The following COQ8A variants were observed in gnomAD, a reference collection of about 807,000 sequenced individuals.
The protein encoded by COQ8A is atypical kinase COQ8A, mitochondrial.
Under a neutral mutation model 65.0 loss-of-function variants are expected in COQ8A, and 51 were observed. The ratio of observed to expected loss-of-function variants is 0.78; its 90% CI spans 0.63 to 0.99. The LOEUF is 0.99. Ranked by LOEUF, COQ8A falls within the 50% of genes least tolerant of loss-of-function variation. COQ8A has a pLI of 0.00. For missense variants in COQ8A, 940 were observed against 875.0 expected (o/e 1.07, Z -0.94); for synonymous variants, 371 against 353.2 (o/e 1.05, Z -0.57).
intron 4 of COQ8A, among the ~76,000 whole-genome samples, chr1:226,966,830 C>G (rs1382279508): frequency 6.6e-6 from 1 of 152,144 alleles, no homozygotes; most frequent in Non-Finnish European, 1.5e-5. Context: ...GTACTGTGCT[C>G]CCCGAGAGCC....
chr1:226,987,216 G>T lies in COQ8A; in HGVS notation c.*479G>T. ...CTCTCCAGCCGATGGGCTGGAGCTG[G>T]GAGAGGTGCTGAGCTAACAGTGCCA... On this transcript the variant is annotated 3_prime_UTR_variant, in exon 15 of 15. Transcript: ENST00000366777. 5.3e-6 allele frequency: 1 copy of T among 189,364 alleles called. No homozygotes were observed. The highest frequency in any genetic ancestry group is 1.4e-4 in the East Asian group (1 of 7,018). The allele number at this position is 189,364 out of a possible 1,614,324, so 11.7% of individuals were successfully genotyped here.
chr1:226,971,104 C>T (rs1231746901), intron 4 of COQ8A, among the ~76,000 whole-genome samples: 3 of 151,928 alleles, frequency 2.0e-5, no homozygotes, highest in Non-Finnish European at 1.5e-5. Flanking sequence ...CCACACCCAG[C>T]TAATTTTTGT....
intron 2 of COQ8A, among the ~76,000 whole-genome samples, chr1:226,961,981 T>C (rs1293691190): frequency 6.6e-6 from 1 of 152,176 alleles, no homozygotes. Flanking sequence ...GAGGGCTTCA[T>C]TCTCATGACT....
intron 1 of COQ8A, among the ~76,000 whole-genome samples, chr1:226,961,093 C>T (rs1475092142): frequency 6.6e-5 from 10 of 152,166 alleles, no homozygotes; most frequent in African/African-American, 1.2e-4. Flanking sequence ...TCAGGTTTTC[C>T]GTAGGGTGCT....
chr1:226,978,583 C>T lies in COQ8A; in HGVS notation c.730+1060C>T, dbSNP rs1207143168. Among the ~76,000 whole-genome samples, 2 of 95,672 alleles carry T rather than the reference C, an allele frequency of 2.1e-5. 1 individual carries two copies. Among genetic ancestry groups the T allele is most frequent in the Non-Finnish European group, 5.6e-5 (2 of 35,672 alleles). The allele number at this position is 95,672 out of a possible 152,430, so 62.8% of individuals were successfully genotyped here. On this transcript the variant is annotated intron_variant, in intron 5 of 14. Transcript: ENST00000366777. ...CCACAGCCACACACCACCTTACACA[C>T]TCTCCACACACTCTACCCTCTACAC...
rs1657217259 is a variant in COQ8A, at chr1:226,949,132, G to A, written c.-10+8733G>A. Among the ~76,000 whole-genome samples, 1 of 151,870 alleles carries A rather than the reference G, an allele frequency of 6.6e-6. No homozygotes were observed. The highest frequency in any genetic ancestry group is 2.1e-4 in the South Asian group (1 of 4,772). The stretch of plus-strand genomic sequence containing the variant: ...CAGACGTACAGAGATGAAGGGGCGA[G>A]CGGGCCTGCCTGAGAAAGTAGGACC... On this transcript the variant is annotated intron_variant, in intron 1 of 14. Coordinates refer to ENST00000366777, the MANE Select transcript of COQ8A (RefSeq NM_020247.5). This position sits in a 1 kb window ranked among gnomAD's most constrained non-coding sequence, Gnocchi z 4.0.
intron 4 of COQ8A, among the ~76,000 whole-genome samples, chr1:226,975,999 C>T (rs1659169210): frequency 6.7e-6 from 1 of 149,482 alleles, no homozygotes; most frequent in Non-Finnish European, 1.5e-5. Flanking sequence ...TTAAACAGAG[C>T]GTCCTGGTGT....
chr1:226,981,265 GAA>G (rs1334104452), intron 5 of COQ8A, among the ~76,000 whole-genome samples: 1 of 152,212 alleles, frequency 6.6e-6, no homozygotes, highest in African/African-American at 2.4e-5. Context: ...GGATAGGGGG[GAA>G]GCTAGAGAGG....
intron 1 of COQ8A, among the ~76,000 whole-genome samples, chr1:226,940,937 G>A (rs1656651019): frequency 6.6e-6 from 1 of 152,132 alleles, no homozygotes; most frequent in Non-Finnish European, 1.5e-5. Flanking sequence ...TTGGGACAGG[G>A]GATCCTTTTT....
chr1:226,976,891 C>T lies in COQ8A; in HGVS notation c.656-558C>T, dbSNP rs115849451. Among the ~76,000 whole-genome samples the T allele has an allele frequency of 6.1e-3, 923 of 152,288 alleles. 11 individuals carry two copies. The highest frequency in any genetic ancestry group is 0.021 in the African/African-American group (866 of 41,556). On this transcript the variant is annotated intron_variant, in intron 4 of 14. Coordinates refer to ENST00000366777, the MANE Select transcript of COQ8A (RefSeq NM_020247.5). The stretch of plus-strand genomic sequence containing the variant: ...TTACCCAGCGAGGGCTGCGCCTGAG[C>T]CCCGCGAGTTCCCCTGGCTTGGATT...
At chr1:226,943,410 T>G (rs1332522844) in intron 1 of COQ8A, among the ~76,000 whole-genome samples, 1 of 152,062 alleles carries the variant, frequency 6.6e-6, no homozygotes, top group Non-Finnish European at 1.5e-5. Context: ...GTGAGTGAGT[T>G]CGAGGGTCCT....
intron 6 of COQ8A, chr1:226,982,354 A>T: frequency 1.3e-6 from 1 of 770,292 alleles, no homozygotes; most frequent in Non-Finnish European, 2.0e-6. Context: ...CAGAGAGGAA[A>T]AATTGCTCTC....
chr1:226,961,631 C>G, intron 2 of COQ8A, 69 bp downstream of exon 2: 1 of 1,522,512 alleles, frequency 6.6e-7, no homozygotes, highest in South Asian at 1.3e-5. Flanking sequence ...TGGGGGAGAC[C>G]AAGGGCTGTG....
In COQ8A at chr1:226,977,524, G is replaced by A; in HGVS notation, c.730+1G>A. 1 of 1,557,214 alleles carries A rather than the reference G, an allele frequency of 6.4e-7. No individual in the cohort carries two copies. The highest frequency in any genetic ancestry group is 1.4e-5 in the African/African-American group (1 of 73,920). On this transcript the variant is annotated splice_donor_variant, in intron 5 of 14. Coordinates refer to ENST00000366777, the MANE Select transcript of COQ8A (RefSeq NM_020247.5). LOFTEE classifies it high-confidence loss of function. Reference sequence around the variant, plus strand: ...AGCCTGCGCTCCGAGGACCCCTCAGGTGAGCCGGGCCCTTCAGTGGGAGGG... The same window carrying A: ...AGCCTGCGCTCCGAGGACCCCTCAGATGAGCCGGGCCCTTCAGTGGGAGGG...
intron 1 of COQ8A, among the ~76,000 whole-genome samples, chr1:226,959,395 G>A (rs986065140): frequency 3.3e-5 from 5 of 151,848 alleles, no homozygotes; most frequent in East Asian, 1.9e-4. Flanking sequence ...ACTCCAGCCC[G>A]GGCAACATAG....
intron 14 of COQ8A, among the ~76,000 whole-genome samples, chr1:226,986,145 C>T (rs951837592): frequency 2.6e-5 from 4 of 152,122 alleles, no homozygotes; most frequent in South Asian, 2.1e-4. Context: ...CTTAGGCCCA[C>T]GGACTCTGTT....
At chr1:226,948,354 A>G (rs989334619) in intron 1 of COQ8A, among the ~76,000 whole-genome samples, 5 of 151,932 alleles carry the variant, frequency 3.3e-5, no homozygotes, top group Non-Finnish European at 7.4e-5. Context: ...TCCCTCTTAT[A>G]TGGGCCCTTG....
intron 5 of COQ8A, among the ~76,000 whole-genome samples, chr1:226,981,311 G>C (rs910498728): frequency 2.0e-5 from 3 of 152,206 alleles, no homozygotes; most frequent in Non-Finnish European, 4.4e-5. Context: ...CCTGCTGGCA[G>C]TTGACTTAGC....
intron 5 of COQ8A, among the ~76,000 whole-genome samples, chr1:226,980,425 C>T (rs1659616607): frequency 6.6e-6 from 1 of 152,224 alleles, no homozygotes; most frequent in Non-Finnish European, 1.5e-5. Context: ...GACAGACTGT[C>T]CCTCCTCTGG....
Sources: gnomAD v4.1 joint callset for allele counts (sites outside exome capture counted in the v4.1 genomes callset) on GRCh38, gnomAD v4.1.1 for gene constraint, Gnocchi (gnomAD v3.1) non-coding constraint, MANE v1.5 for transcripts, NCBI Gene and HGNC (gene_info 2026-07-23, HGNC 2026-07-21) for gene names.